Variants in KISS1 observed in about 807,000 individuals in gnomAD.
KISS1 encodes the protein KiSS-1 metastasis suppressor.
For synonymous variants in KISS1, 97 were observed against 88.7 expected, an observed-to-expected ratio of 1.09 and a Z score of -0.52; for missense variants, 182 against 182.7, an observed-to-expected ratio of 1.00 and a Z score of 0.02.
rs1658759923 is a variant in KISS1 at position 204,192,412 on chromosome 1, T to G, written c.103+362A>C. ...TTTAGGTTTTTTTTTTTTTCCAAAT[T>G]CTCCACAAAGAATCTGAGGTCACCG... On this transcript the variant is annotated intron_variant, in intron 2 of 2. Transcript: ENST00000367194. This position sits in a 1 kb window ranked among gnomAD's most constrained non-coding sequence, Gnocchi z 4.2. Among the ~76,000 whole-genome samples the G allele has an allele frequency of 6.6e-6, 1 of 150,860 alleles. No homozygotes were observed. The highest frequency in any genetic ancestry group is 1.5e-5 in the Non-Finnish European group (1 of 67,882).
Position 204,190,407 on chromosome 1 carries a change from C to CGGGGGGGGGGGGGGGGG in KISS1, c.*76_*77insCCCCCCCCCCCCCCCCC. ...TCCAGCGCCCCCTCCCTTAGCCCTACGTCCCCGCCCCCCGCCCCCGCCCCG... is the reference window on the plus strand; with the variant it reads ...TCCAGCGCCCCCTCCCTTAGCCCTACGGGGGGGGGGGGGGGGGGTCCCCGCCCCCCGCCCCCGCCCCG... On this transcript the variant is annotated 3_prime_UTR_variant, in exon 3 of 3. Transcript: ENST00000367194. The CGGGGGGGGGGGGGGGGG allele has an allele frequency of 1.3e-6, 1 of 779,254 alleles. No individual in the cohort carries two copies. 48.3% of individuals were successfully genotyped at this position (779,254 alleles called of 1,614,324 possible).
At position 204,190,409 on chromosome 1, in the gene KISS1, T is replaced by TCCCCCCCCCCCCCCCCCCCCCCCCCC; in HGVS notation, c.*74_*75insGGGGGGGGGGGGGGGGGGGGGGGGGG. ...CAGCGCCCCCTCCCTTAGCCCTACG[T>TCCCCCCCCCCCCCCCCCCCCCCCCCC]CCCCGCCCCCCGCCCCCGCCCCGCA... On this transcript the variant is annotated 3_prime_UTR_variant, in exon 3 of 3. Coordinates refer to ENST00000367194, the MANE Select transcript of KISS1 (RefSeq NM_002256.4). 1.8e-6 allele frequency: 1 copy of TCCCCCCCCCCCCCCCCCCCCCCCCCC among 570,138 alleles called. No homozygotes were observed. Among genetic ancestry groups the TCCCCCCCCCCCCCCCCCCCCCCCCCC allele is most frequent in the Admixed American group, 2.5e-5 (1 of 40,486 alleles). The allele number at this position is 570,138 out of a possible 1,614,324, so 35.3% of individuals were successfully genotyped here.
chr1:204,196,126 C>T (rs1347850938), intron 1 of KISS1, among the ~76,000 whole-genome samples: 6 of 152,226 alleles, frequency 3.9e-5, no homozygotes, highest in African/African-American at 7.2e-5. Context: ...ATTCCTTCCA[C>T]AGCAAGAGAG....
chr1:204,190,430 C>CCCCCCCACCCA lies in KISS1; in HGVS notation c.*53_*54insTGGGTGGGGGG. The CCCCCCCACCCA allele has an allele frequency of 9.3e-7, 1 of 1,079,962 alleles. No homozygotes were observed. Among genetic ancestry groups the CCCCCCCACCCA allele is most frequent in the African/African-American group, 1.6e-5 (1 of 62,108 alleles). 66.9% of individuals were successfully genotyped at this position (1,079,962 alleles called of 1,614,324 possible). A position where few individuals can be genotyped will look rare whatever the true frequency, so the allele number is the denominator to read the frequency against. On this transcript the variant is annotated 3_prime_UTR_variant, in exon 3 of 3. Coordinates refer to ENST00000367194, the MANE Select transcript of KISS1 (RefSeq NM_002256.4). The stretch of plus-strand genomic sequence containing the variant: ...TACGTCCCCGCCCCCCGCCCCCGCC[C>CCCCCCCACCCA]CGCATGCTCTGACTCCTTTGGGGTC...
chr1:204,195,452 AACAT>A (rs1483642070), intron 1 of KISS1, among the ~76,000 whole-genome samples: 13 of 146,748 alleles, frequency 8.9e-5, no homozygotes, highest in East Asian at 8.2e-4. Flanking sequence ...CCATACACAC[AACAT>A]ACACACACAC....
At chr1:204,194,750 G>A (rs1283256361) in intron 1 of KISS1, among the ~76,000 whole-genome samples, 1 of 152,128 alleles carries the variant, frequency 6.6e-6, no homozygotes, top group Non-Finnish European at 1.5e-5. Context: ...ATGAATCGCT[G>A]AAAGGTTTAC....
Position 204,196,471 on chromosome 1 carries a change from C to T in KISS1, c.-134G>A, listed in dbSNP as rs1658860105. The T allele has an allele frequency of 8.6e-6, 1 of 116,538 alleles. No individual in the cohort carries two copies. The highest frequency in any genetic ancestry group is 5.8e-5 in the African/African-American group (1 of 17,390). 7.2% of individuals were successfully genotyped at this position (116,538 alleles called of 1,614,324 possible). A position where few individuals can be genotyped will look rare whatever the true frequency, so the allele number is the denominator to read the frequency against. ...AATGTCCAGAGGGTGGGCAGCTGGG[C>T]TCCCGGTCTCAAGAGTTCTCCCCAG... On this transcript the variant is annotated 5_prime_UTR_variant, in exon 1 of 3. Transcript: ENST00000367194.
chr1:204,190,347 A>T lies in KISS1; in HGVS notation c.*137T>A. Reference sequence around the variant, plus strand: ...GCCGCAGACCACACGTCAGTGAGTTACGCAACATTTCTTTTATTGCCTCGG... The same window carrying T: ...GCCGCAGACCACACGTCAGTGAGTTTCGCAACATTTCTTTTATTGCCTCGG... On this transcript the variant is annotated 3_prime_UTR_variant, in exon 3 of 3. Coordinates refer to ENST00000367194, the MANE Select transcript of KISS1 (RefSeq NM_002256.4). 1 of 920,078 alleles carries T rather than the reference A, an allele frequency of 1.1e-6. No individual in the cohort carries two copies. 57.0% of individuals were successfully genotyped at this position (920,078 alleles called of 1,614,324 possible).
rs1314523106 is a variant in KISS1 at position 204,192,885 on chromosome 1, G to A, written c.-9C>T. On this transcript the variant is annotated 5_prime_UTR_variant, in exon 2 of 3. Coordinates refer to ENST00000367194, the MANE Select transcript of KISS1 (RefSeq NM_002256.4). This position sits in a 1 kb window ranked among gnomAD's most constrained non-coding sequence, Gnocchi z 4.2. ...GAAACCAGTGAGTTCATCTTGGTGAGAAGAGGCAGGTCCTAGAAGTGCCTT... is the reference window on the plus strand; with the variant it reads ...GAAACCAGTGAGTTCATCTTGGTGAAAAGAGGCAGGTCCTAGAAGTGCCTT... The A allele has an allele frequency of 1.3e-6, 2 of 1,559,004 alleles. No individual in the cohort carries two copies. The highest frequency in any genetic ancestry group is 1.8e-6 in the Non-Finnish European group (2 of 1,142,436).
rs1658755001 is a variant in KISS1, at chr1:204,192,078, T to C, written c.103+696A>G. Among the ~76,000 whole-genome samples the C allele has an allele frequency of 6.6e-6, 1 of 152,150 alleles. No individual in the cohort carries two copies. Among genetic ancestry groups the C allele is most frequent in the Admixed American group, 6.6e-5 (1 of 15,262 alleles). ...TGTAGAGGGCATGCCCCAAGTTTTA[T>C]AGCTGGGGGAACTCAGGTCCAGAGA... On this transcript the variant is annotated intron_variant, in intron 2 of 2. Transcript: ENST00000367194. This position sits in a 1 kb window ranked among gnomAD's most constrained non-coding sequence, Gnocchi z 4.2.
At position 204,190,423 on chromosome 1, in the gene KISS1, C is replaced by T; in HGVS notation, c.*61G>A. Reference sequence around the variant, plus strand: ...TTAGCCCTACGTCCCCGCCCCCCGCCCCCGCCCCGCATGCTCTGACTCCTT... The same window carrying T: ...TTAGCCCTACGTCCCCGCCCCCCGCTCCCGCCCCGCATGCTCTGACTCCTT... On this transcript the variant is annotated 3_prime_UTR_variant, in exon 3 of 3. Coordinates refer to ENST00000367194, the MANE Select transcript of KISS1 (RefSeq NM_002256.4). 1.0e-5 allele frequency: 8 copies of T among 774,946 alleles called. No homozygotes were observed. Among genetic ancestry groups the T allele is most frequent in the Non-Finnish European group, 1.7e-5 (8 of 463,626 alleles). 48.0% of individuals were successfully genotyped at this position (774,946 alleles called of 1,614,324 possible).
intron 1 of KISS1, 141 bp from the exon 2 acceptor site, chr1:204,193,055 G>T: frequency 1.5e-6 from 1 of 665,044 alleles, no homozygotes; most frequent in Non-Finnish European, 2.7e-6. Context: ...AGAGGGATGA[G>T]TCTAAACAAA....
intron 1 of KISS1, among the ~76,000 whole-genome samples, chr1:204,195,323 C>A (rs1658831860): frequency 9.0e-5 from 1 of 11,142 alleles, no homozygotes; most frequent in Admixed American, 1.0e-3. Flanking sequence ...TACACATATG[C>A]CACACACACC....
chr1:204,195,151 C>CATA (rs1658813636), intron 1 of KISS1, among the ~76,000 whole-genome samples: 1 of 4,024 alleles, frequency 2.5e-4, no homozygotes, highest in Non-Finnish European at 6.3e-4. Flanking sequence ...CACACACCCC[C>CATA]CACACCACAC....
At chr1:204,193,247 T>G (rs1339517270) in intron 1 of KISS1, among the ~76,000 whole-genome samples, 4 of 152,200 alleles carry the variant, frequency 2.6e-5, no homozygotes, top group Non-Finnish European at 5.9e-5. Context: ...GCCAGGATTC[T>G]GAATCTCAGG....
At chr1:204,195,456 TACAC>T (rs1259194085) in intron 1 of KISS1, among the ~76,000 whole-genome samples, 4 of 93,004 alleles carry the variant, frequency 4.3e-5, no homozygotes, top group East Asian at 3.9e-4. Context: ...ACACACAACA[TACAC>T]ACACACATAC....
chr1:204,193,662 T>A (rs1658786277), intron 1 of KISS1, among the ~76,000 whole-genome samples: 1 of 152,084 alleles, frequency 6.6e-6, no homozygotes, highest in South Asian at 2.1e-4. Context: ...ATTTATCAGG[T>A]CAGTTATCTC....
intron 1 of KISS1, among the ~76,000 whole-genome samples, chr1:204,195,206 T>TGCACACCACACAC (rs1571667422): frequency 7.6e-5 from 1 of 13,120 alleles, no homozygotes; most frequent in Admixed American, 7.8e-4. Flanking sequence ...ACCACACACA[T>TGCACACCACACAC]ATATACGCAC....
At chr1:204,193,023 C>A (rs1416343210) in intron 1 of KISS1, 109 bp from the exon 2 acceptor site, 1 of 695,562 alleles carries the variant, frequency 1.4e-6, no homozygotes, top group Non-Finnish European at 2.6e-6. Flanking sequence ...GGGGCAAGTT[C>A]TTGCCTTTGG....
Sources: allele counts gnomAD v4.1 joint callset (sites outside exome capture counted in the v4.1 genomes callset), GRCh38; gene constraint gnomAD v4.1.1; non-coding constraint Gnocchi (gnomAD v3.1); transcripts MANE v1.5; gene names NCBI Gene and HGNC (gene_info 2026-07-23, HGNC 2026-07-21).